UNC13C: variants seen among roughly 807,000 people sequenced by gnomAD.
UNC13C encodes protein unc-13 homolog C.
Under a neutral mutation model 245.4 loss-of-function variants are expected in UNC13C, and 174 were observed. The observed-to-expected ratio is 0.71, with a 90% CI of 0.63 to 0.80. The LOEUF (loss-of-function observed/expected upper bound fraction) is 0.80. UNC13C is among the 30% of genes least tolerant of loss of function. UNC13C has a pLI of 0.00. For synonymous variants in UNC13C, 992 were observed against 895.1 expected (o/e 1.11, Z -1.93); for missense variants, 2,829 against 2,602.9 (o/e 1.09, Z -1.89).
chr15:54,479,706 TG>T (rs1460388130), intron 19 of UNC13C, among the ~76,000 whole-genome samples: 2 of 151,740 alleles, frequency 1.3e-5, no homozygotes, highest in South Asian at 2.1e-4. Flanking sequence ...GTGATAATGT[TG>T]GATTCCTTTT....
the UNC13C span, among the ~76,000 whole-genome samples, chr15:53,841,203 G>A: frequency 2.0e-5 from 3 of 151,932 alleles, no homozygotes; most frequent in African/African-American, 7.3e-5. Flanking sequence ...AAAAAACTGA[G>A]ATTAAAACAT....
the UNC13C span, among the ~76,000 whole-genome samples, chr15:53,860,514 A>C: frequency 0.017 from 2,617 of 152,178 alleles, 53 homozygotes; most frequent in East Asian, 0.08. Flanking sequence ...TTCTCATTCC[A>C]TTCTTGGCCA....
chr15:53,952,211 A>G, the UNC13C span, among the ~76,000 whole-genome samples: 2,564 of 152,290 alleles, frequency 0.017, 27 homozygotes, highest in Non-Finnish European at 0.027. Context: ...ACATTGCCCT[A>G]AAGGTGTGCT....
At chr15:54,458,413 G>A (rs897528497) in intron 19 of UNC13C, among the ~76,000 whole-genome samples, 1 of 152,000 alleles carries the variant, frequency 6.6e-6, no homozygotes, top group African/African-American at 2.4e-5. Flanking sequence ...TTGTTCTAGG[G>A]TATAATTTAA....
At chr15:54,426,169 TG>T (rs1284240606) in intron 19 of UNC13C, among the ~76,000 whole-genome samples, 1 of 151,542 alleles carries the variant, frequency 6.6e-6, no homozygotes, top group Non-Finnish European at 1.5e-5. Flanking sequence ...AATTCTTCTT[TG>T]TCATTTAACA....
chr15:54,013,571 C>A lies in UNC13C; in HGVS notation c.668C>A (p.Thr223Lys), dbSNP rs573321541. The change falls in exon 2 of 33, where the codon ACA becomes AAA. Residue 223 changes from threonine (T) to lysine (K), a missense_variant. By Grantham distance (78) the Thr-to-Lys change is moderately conservative. Transcript: ENST00000260323. ...SLDRTVRNPK[T>K]NALEPGFSSS... Reference sequence around the variant, plus strand: ...GACAGAACTGTCCGAAACCCAAAGACAAATGCCCTGGAGCCAGGGTTCAGT... The same window carrying A: ...GACAGAACTGTCCGAAACCCAAAGAAAAATGCCCTGGAGCCAGGGTTCAGT... 2.5e-6 allele frequency: 4 copies of A among 1,613,698 alleles called. No individual in the cohort carries two copies. The highest frequency in any genetic ancestry group is 3.4e-6 in the Non-Finnish European group (4 of 1,179,772).
chr15:54,006,458 AT>A (rs1895140969), intron 1 of UNC13C, among the ~76,000 whole-genome samples: 1 of 152,120 alleles, frequency 6.6e-6, no homozygotes, highest in African/African-American at 2.4e-5. Flanking sequence ...ATATTTTAAT[AT>A]TTACTGGTTT....
chr15:54,013,720 TC>T lies in UNC13C; in HGVS notation c.819del (p.Ile274SerfsTer39), dbSNP rs1192420445. On this transcript the variant is annotated frameshift_variant, in exon 2 of 33. Transcript: ENST00000260323. LOFTEE classifies it high-confidence loss of function. ...AGGGCACGTCAATGCTCTCAAGCAC[TC>T]CATCGATGAGATCTCCAGCAGTGTG... ...LRGHVNALKH[S>X]IDEISSSVEV... 6.2e-7 allele frequency: 1 copy of T among 1,612,878 alleles called. No homozygotes were observed. Among genetic ancestry groups the T allele is most frequent in the East Asian group, 2.2e-5 (1 of 44,858 alleles).
chr15:53,958,902 G>T, the UNC13C span, among the ~76,000 whole-genome samples: 50 of 152,098 alleles, frequency 3.3e-4, no homozygotes, highest in Non-Finnish European at 6.3e-4. Flanking sequence ...TTCCTTCCAC[G>T]TAACTGCATT....
intron 18 of UNC13C, among the ~76,000 whole-genome samples, chr15:54,394,528 T>G (rs1158886714): frequency 6.6e-6 from 1 of 150,630 alleles, no homozygotes; most frequent in Non-Finnish European, 1.5e-5. Flanking sequence ...AATAGAGTTG[T>G]GTTTTCTTAT....
chr15:54,528,736 AAAGT>A (rs1345246129), intron 25 of UNC13C, among the ~76,000 whole-genome samples: 1 of 152,162 alleles, frequency 6.6e-6, no homozygotes, highest in Non-Finnish European at 1.5e-5. Context: ...AGTGCAAAAG[AAAGT>A]AGTCATTTCA....
chr15:54,575,800 A>G (rs891654086), intron 30 of UNC13C, among the ~76,000 whole-genome samples: 2 of 152,238 alleles, frequency 1.3e-5, no homozygotes, highest in African/African-American at 4.8e-5. Context: ...CCCCTTAGGC[A>G]CCATTGGACT....
intron 19 of UNC13C, among the ~76,000 whole-genome samples, chr15:54,477,834 A>C (rs879526068): frequency 4.7e-3 from 668 of 141,464 alleles, no homozygotes; most frequent in East Asian, 8.6e-3. Context: ...AAAATGAGTT[A>C]AGGAGGAGTC....
chr15:53,965,936 T>A, the UNC13C span, among the ~76,000 whole-genome samples: 1 of 152,196 alleles, frequency 6.6e-6, no homozygotes, highest in Non-Finnish European at 1.5e-5. Flanking sequence ...ATGGTGTATA[T>A]GTGCCACATT....
intron 2 of UNC13C, among the ~76,000 whole-genome samples, chr15:54,124,924 G>T (rs946540966): frequency 6.6e-6 from 1 of 151,818 alleles, no homozygotes; most frequent in African/African-American, 2.4e-5. Flanking sequence ...TTGAATCTTT[G>T]CCAAAAAAAA....
chr15:54,187,350 G>A (rs1897040), intron 4 of UNC13C, among the ~76,000 whole-genome samples: 67,846 of 151,900 alleles, frequency 0.45, 15,799 homozygotes, highest in Middle Eastern at 0.58. Context: ...ATTTCAAAAT[G>A]TAATTATGAT....
intron 2 of UNC13C, among the ~76,000 whole-genome samples, chr15:54,114,679 T>A (rs192693218): frequency 6.6e-6 from 1 of 152,286 alleles, no homozygotes; most frequent in East Asian, 1.9e-4. Context: ...CTTTTACCTC[T>A]ATGTAAGAGT....
the UNC13C span, among the ~76,000 whole-genome samples, chr15:53,887,146 A>G: frequency 6.6e-6 from 1 of 152,186 alleles, no homozygotes; most frequent in Non-Finnish European, 1.5e-5. Flanking sequence ...CAAATGTGCC[A>G]TACTAATCTA....
chr15:54,242,022 T>C (rs2035866973), intron 7 of UNC13C, among the ~76,000 whole-genome samples: 1 of 152,234 alleles, frequency 6.6e-6, no homozygotes, highest in African/African-American at 2.4e-5. Context: ...GGGCAAGTTA[T>C]GGAAACTTTC....
Sources: gnomAD v4.1 joint callset for allele counts (sites outside exome capture counted in the v4.1 genomes callset) on GRCh38, gnomAD v4.1.1 for gene constraint, MANE v1.5 for transcripts, NCBI Gene and HGNC (gene_info 2026-07-23, HGNC 2026-07-21) for gene names.